The following ACADS variants were observed in gnomAD, a reference collection of about 807,000 sequenced individuals.
ACADS encodes the protein acyl-CoA dehydrogenase short chain.
A neutral mutation model predicts 46.8 loss-of-function variants in ACADS; 28 were observed. The observed-to-expected ratio is 0.60, with a 90% CI of 0.44 to 0.82. The LOEUF is 0.82. ACADS is among the 40% of genes least tolerant of loss of function. The probability of loss-of-function intolerance (pLI) is 0.00; values close to 1 mark genes in which losing one functional copy is unlikely to be tolerated. For synonymous variants in ACADS, 236 were observed against 237.7 expected, an observed-to-expected ratio of 0.99 and a Z score of 0.07; for missense variants, 528 against 578.0, an observed-to-expected ratio of 0.91 and a Z score of 0.89.
At chr12:120,737,722 G>A (rs1225769898) in intron 4 of ACADS, 115 bp from the exon 5 acceptor site, 8 of 1,477,950 alleles carry the variant, frequency 5.4e-6, no homozygotes, top group African/African-American at 1.4e-5. Context: ...CCTCATCTTT[G>A]GAGCCCGAGT....
intron 4 of ACADS, 125 bp downstream of exon 4, chr12:120,737,592 G>A (rs1883497923): frequency 8.9e-7 from 1 of 1,125,842 alleles, no homozygotes; most frequent in African/African-American, 1.5e-5. Flanking sequence ...GGTTGGTAGG[G>A]TGAGCGCTCT....
chr12:120,727,299 C>T, intron 2 of ACADS, 110 bp downstream of exon 2: 1 of 1,434,424 alleles, frequency 7.0e-7, no homozygotes, highest in Non-Finnish European at 9.8e-7. Context: ...AACCCCAAAG[C>T]AGGGCCTGGA....
At chr12:120,731,189 G>A (rs1197004827) in intron 2 of ACADS, among the ~76,000 whole-genome samples, 5 of 152,054 alleles carry the variant, frequency 3.3e-5, no homozygotes, top group South Asian at 2.1e-4. Flanking sequence ...GGTCTCAAAC[G>A]CCTGGACTCA....
At chr12:120,736,941 G>A (rs746645777) in intron 2 of ACADS, 45 bp from the exon 3 acceptor site, 87 of 1,543,874 alleles carry the variant, frequency 5.6e-5, no homozygotes, top group Admixed American at 1.5e-4. Context: ...GGGTGGGCTC[G>A]CCCCCGGCAG....
rs148789330 is a variant in ACADS, at chr12:120,727,182, C to T, written c.203C>T (p.Ala68Val). ...AQVDKEHLFP[A>V]AQVKKMGGLG... ...GTGGATAAGGAACATCTCTTCCCAG[C>T]GGCTCAGGTGAGAGTGCAACCTCAG... Residue 68 changes from alanine (A) to valine (V), a missense_variant, in exon 2 of 10, where the codon GCG becomes GTG. Physicochemically the swap from Ala to Val is moderately conservative, Grantham distance 64. Transcript: ENST00000242592. The T allele has an allele frequency of 1.6e-5, 26 of 1,614,038 alleles. No homozygotes were observed. In the Middle Eastern group the frequency reaches 4.9e-4, roughly 31 times the overall value.
chr12:120,731,385 C>T (rs1389165781), intron 2 of ACADS, among the ~76,000 whole-genome samples: 1 of 151,990 alleles, frequency 6.6e-6, no homozygotes, highest in Non-Finnish European at 1.5e-5. Context: ...TCCTGAGTAG[C>T]TGGAGACCTG....
At chr12:120,733,192 G>A (rs888191359) in intron 2 of ACADS, among the ~76,000 whole-genome samples, 3 of 152,096 alleles carry the variant, frequency 2.0e-5, no homozygotes, top group African/African-American at 7.2e-5. Context: ...GCTTCGGCTC[G>A]GCATCAGAGG....
At position 120,728,243 on chromosome 12, in the gene ACADS, G is replaced by A. The variant is rs747855518; in HGVS notation, c.210+1054G>A. 9.9e-5 allele frequency among the ~76,000 whole-genome samples: 15 copies of A among 152,084 alleles called. No individual in the cohort carries two copies. The highest frequency in any genetic ancestry group is 1.9e-4 in the Non-Finnish European group (13 of 68,006). On this transcript the variant is annotated intron_variant, in intron 2 of 9. Transcript: ENST00000242592. This position sits in a 1 kb window ranked among gnomAD's most constrained non-coding sequence, Gnocchi z 4.0. ...ATTACAGGCGTGAGCCACCGTGCCC[G>A]GCCTGCTTGAACTGTTTTCTCCCCT... is the stretch of plus-strand genomic sequence containing the variant.
intron 1 of ACADS, among the ~76,000 whole-genome samples, 171 bp downstream of exon 1, chr12:120,726,102 C>T: frequency 6.6e-6 from 1 of 150,862 alleles, no homozygotes; most frequent in East Asian, 2.0e-4. Context: ...CAGCCCGGCC[C>T]TTCAGGCGTC....
Position 120,737,374 on chromosome 12 carries a change from A to G in ACADS, c.379A>G (p.Ile127Val). Reference protein sequence around the residue: ...SVNNSLYLGPILKFGSKEQKQ... With the variant: ...SVNNSLYLGPVLKFGSKEQKQ... ...CTCCTAGTCTCTCTACCTGGGGCCC[A>G]TCTTGAAGTTTGGCTCCAAGGAGCA... The change falls in exon 4 of 10, where the codon ATC becomes GTC. Residue 127 changes from isoleucine (I) to valine (V), a missense_variant. Transcript: ENST00000242592. The G allele has an allele frequency of 6.2e-7, 1 of 1,614,128 alleles. No homozygotes were observed. Among genetic ancestry groups the G allele is most frequent in the South Asian group, 1.1e-5 (1 of 91,084 alleles).
At chr12:120,730,799 C>G (rs79000443) in intron 2 of ACADS, among the ~76,000 whole-genome samples, 1 of 151,802 alleles carries the variant, frequency 6.6e-6, no homozygotes, top group Non-Finnish European at 1.5e-5. Flanking sequence ...GGGTGTGTCT[C>G]TGTCCAGGGA....
At chr12:120,727,530 G>GGTAC (rs780598657) in intron 2 of ACADS, among the ~76,000 whole-genome samples, 1 of 152,164 alleles carries the variant, frequency 6.6e-6, no homozygotes, top group Non-Finnish European at 1.5e-5. Context: ...GTGAGGTGAA[G>GGTAC]GTACTATTCT....
Position 120,737,475 on chromosome 12 carries a change from C to T in ACADS, c.472+8C>T, listed in dbSNP as rs1883493784. 1 of 1,608,672 alleles carries T rather than the reference C, an allele frequency of 6.2e-7. No homozygotes were observed. The highest frequency in any genetic ancestry group is 8.5e-7 in the Non-Finnish European group (1 of 1,175,322). ...TTGCCCTCAGCGAACCAGGTACCTG[C>T]CCTGTCCCCTCACCTGTCCTTAGGG... On this transcript the variant is annotated splice_region_variant and intron_variant, in intron 4 of 9. Coordinates refer to ENST00000242592, the MANE Select transcript of ACADS (RefSeq NM_000017.4).
chr12:120,728,285 C>A lies in ACADS; in HGVS notation c.210+1096C>A, dbSNP rs576803707. On this transcript the variant is annotated intron_variant, in intron 2 of 9. Transcript: ENST00000242592. This position sits in a 1 kb window ranked among gnomAD's most constrained non-coding sequence, Gnocchi z 4.0. ...TTCTCCCCTGAGTTTCCCATCAGCG[C>A]GCTCCCTCCCGTGCCACTGTGTTCT... Among the ~76,000 whole-genome samples the A allele has an allele frequency of 2.0e-5, 3 of 152,034 alleles. No individual in the cohort carries two copies. The South Asian group carries it at 6.2e-4, about 32-fold the overall frequency.
intron 2 of ACADS, among the ~76,000 whole-genome samples, chr12:120,727,798 A>G (rs1883131415): frequency 1.3e-5 from 2 of 152,126 alleles, no homozygotes; most frequent in Admixed American, 1.3e-4. Flanking sequence ...GGCCTCCCAA[A>G]GTGCTGGGAT....
Position 120,737,852 on chromosome 12 carries a change from C to T in ACADS, c.488C>T (p.Ala163Val). ...GTGTGGGCAGGGAACGGCAGTGATG[C>T]AGGAGCTGCGTCCACCACCGCCCGG... The part of the protein sequence containing the change: ...ALSEPGNGSD[A>V]GAASTTARAE... The change falls in exon 5 of 10, where the codon GCA (alanine) becomes GTA (valine). Residue 163 changes from alanine to valine, a missense_variant. Transcript: ENST00000242592. 1 of 1,613,918 alleles carries T rather than the reference C, an allele frequency of 6.2e-7. No homozygotes were observed. Among genetic ancestry groups the T allele is most frequent in the Non-Finnish European group, 8.5e-7 (1 of 1,179,920 alleles).
Position 120,725,905 on chromosome 12 carries a change from C to T in ACADS, c.20C>T (p.Ala7Val). 1 of 1,557,296 alleles carries T rather than the reference C, an allele frequency of 6.4e-7. No individual in the cohort carries two copies. The highest frequency in any genetic ancestry group is 8.6e-7 in the Non-Finnish European group (1 of 1,160,882). Residue 7 changes from alanine (A) to valine (V), a missense_variant, in exon 1 of 10, where the codon GCC (alanine) becomes GTC (valine). Physicochemically the swap from Ala to Val is moderately conservative, Grantham distance 64. Coordinates refer to ENST00000242592, the MANE Select transcript of ACADS (RefSeq NM_000017.4). MAAALL[A>V]RASGPARRAL... Reference sequence around the variant, plus strand: ...TCGCCCATGGCCGCCGCGCTGCTCGCCCGGGCCTCGGGCCCTGCCCGCAGA... The same window carrying T: ...TCGCCCATGGCCGCCGCGCTGCTCGTCCGGGCCTCGGGCCCTGCCCGCAGA...
intron 1 of ACADS, 116 bp downstream of exon 1, chr12:120,726,047 G>A: frequency 1.8e-6 from 2 of 1,111,768 alleles, no homozygotes; most frequent in Non-Finnish European, 2.4e-6. Context: ...CACTCCGGGA[G>A]CGCTCACGGC....
Position 120,737,375 on chromosome 12 carries a change from T to C in ACADS, c.380T>C (p.Ile127Thr), listed in dbSNP as rs1555243949. The change falls in exon 4 of 10, where the codon ATC becomes ACC. Residue 127 changes from isoleucine to threonine, a missense_variant. Physicochemically the swap from Ile to Thr is moderately conservative, Grantham distance 89. Transcript: ENST00000242592. ...SVNNSLYLGP[I>T]LKFGSKEQKQ... Reference sequence around the variant, plus strand: ...TCCTAGTCTCTCTACCTGGGGCCCATCTTGAAGTTTGGCTCCAAGGAGCAG... The same window carrying C: ...TCCTAGTCTCTCTACCTGGGGCCCACCTTGAAGTTTGGCTCCAAGGAGCAG... The C allele has an allele frequency of 6.2e-7, 1 of 1,614,104 alleles. No homozygotes were observed. The highest frequency in any genetic ancestry group is 1.3e-5 in the African/African-American group (1 of 75,062).
Sources: gnomAD v4.1 joint callset for allele counts (sites outside exome capture counted in the v4.1 genomes callset) on GRCh38, gnomAD v4.1.1 for gene constraint, Gnocchi (gnomAD v3.1) non-coding constraint, MANE v1.5 for transcripts, NCBI Gene and HGNC (gene_info 2026-07-23, HGNC 2026-07-21) for gene names.